DHX32: variants seen among roughly 807,000 people sequenced by gnomAD.
The protein encoded by DHX32 is putative pre-mRNA-splicing factor ATP-dependent RNA helicase DHX32.
In DHX32, 51 loss-of-function variants were observed where a neutral mutation model predicts 70.0. That is an observed-to-expected ratio of 0.73 (90% CI 0.58 to 0.92). The LOEUF (loss-of-function observed/expected upper bound fraction) is 0.92. Among genes scored for constraint, DHX32 ranks in the 40% least tolerant of loss-of-function variants. DHX32 has a pLI of 0.00. For missense variants in DHX32, 762 were observed against 891.8 expected (o/e 0.85, Z 1.85); for synonymous variants, 310 against 315.3 (o/e 0.98, Z 0.18).
chr10:125,864,601 C>T (rs1376773043), intron 2 of DHX32, among the ~76,000 whole-genome samples: 1 of 152,030 alleles, frequency 6.6e-6, no homozygotes, highest in Non-Finnish European at 1.5e-5. Context: ...TTAGATTTCC[C>T]CACCATTATT....
At chr10:125,842,715 T>C (rs1255726402) in intron 6 of DHX32, 1 of 570,240 alleles carries the variant, frequency 1.8e-6, no homozygotes, top group Non-Finnish European at 2.2e-6. Context: ...CAGAGAAAAA[T>C]TAATCACAAC....
chr10:125,874,273 T>C (rs2134067976), intron 1 of DHX32, among the ~76,000 whole-genome samples: 1 of 152,344 alleles, frequency 6.6e-6, no homozygotes, highest in Non-Finnish European at 1.5e-5. Context: ...AAAACCAAGT[T>C]GTTTCCAAAA....
chr10:125,850,404 C>T (rs11244671), intron 6 of DHX32, among the ~76,000 whole-genome samples: 56,103 of 145,346 alleles, frequency 0.39, 11,155 homozygotes, highest in Non-Finnish European at 0.45. Flanking sequence ...GTTGCCCAGG[C>T]TGCAGTGCAA....
At chr10:125,890,698 T>C (rs1589720758) in intron 1 of DHX32, 4 of 152,394 alleles carry the variant, frequency 2.6e-5, no homozygotes, top group East Asian at 1.9e-4. Context: ...GTATTGAATA[T>C]TGTATTGCAT....
intron 1 of DHX32, among the ~76,000 whole-genome samples, chr10:125,896,004 T>G: frequency 6.6e-6 from 1 of 152,306 alleles, no homozygotes; most frequent in East Asian, 1.9e-4. Flanking sequence ...CCCGCAGGGC[T>G]CCGTCCTCCC....
intron 6 of DHX32, 97 bp from the exon 7 acceptor site, chr10:125,842,031 A>G (rs1854896134): frequency 2.2e-6 from 3 of 1,367,476 alleles, no homozygotes; most frequent in Non-Finnish European, 2.9e-6. Context: ...CAAGCAAACA[A>G]TGGACAAAAT....
At chr10:125,883,867 A>G (rs1026732617), upstream of DHX32, among the ~76,000 whole-genome samples, 9 of 152,190 alleles carry the variant, frequency 5.9e-5, no homozygotes, top group African/African-American at 2.2e-4. Flanking sequence ...GCTCTCCTGG[A>G]GCCCTGCTCT....
At chr10:125,881,609 AT>A, upstream of DHX32, among the ~76,000 whole-genome samples, 1 of 152,272 alleles carries the variant, frequency 6.6e-6, no homozygotes, top group East Asian at 1.9e-4. Flanking sequence ...GAATGAATTT[AT>A]TATTTCCTTC....
chr10:125,837,376 G>C (rs529275265), intron 10 of DHX32, among the ~76,000 whole-genome samples: 80 of 152,338 alleles, frequency 5.3e-4, no homozygotes, highest in African/African-American at 1.9e-3. Context: ...TAGTGGAGTA[G>C]TCTCACTCTT....
chr10:125,859,638 T>C lies in DHX32; in HGVS notation c.814A>G (p.Lys272Glu). 2 of 1,605,298 alleles carry C rather than the reference T, an allele frequency of 1.2e-6. No homozygotes were observed. Among genetic ancestry groups the C allele is most frequent in the Non-Finnish European group, 1.7e-6 (2 of 1,176,382 alleles). ...GCCAGAAAGACTACAATGTCACCTT[T>C]CTCACCCGAGTGGTGAATTTCAAAG... ...LIFEIHHSGE[K>E]GDIVVFLACE... Residue 272 changes from lysine to glutamate, a missense_variant, in exon 3 of 11, where the codon AAA (lysine) becomes GAA (glutamate). Around this residue, in one of 3 missense-constraint regions of DHX32, gnomAD observed 394 missense variants for 473.1 expected, o/e 0.83. Transcript: ENST00000284690.
Position 125,838,322 on chromosome 10 carries a change from C to T in DHX32, c.1947G>A (p.Leu649=), listed in dbSNP as rs1333553382. The part of the protein sequence containing the change: ...LMLTHKQVAQ[L]HPLSGYSITK... Reference sequence around the variant, plus strand: ...TGATTGAGTAACCAGACAGGGGATGCAGCTGAGCAACCTGCTTATGTGTCA... The same window carrying T: ...TGATTGAGTAACCAGACAGGGGATGTAGCTGAGCAACCTGCTTATGTGTCA... Residue 649 remains leucine, a synonymous_variant, in exon 10 of 11, where the codon CTG becomes CTA. Coordinates refer to ENST00000284690, the MANE Select transcript of DHX32 (RefSeq NM_018180.3). 6.2e-7 allele frequency: 1 copy of T among 1,613,740 alleles called. No homozygotes were observed. The highest frequency in any genetic ancestry group is 8.5e-7 in the Non-Finnish European group (1 of 1,179,950).
rs140059437 is a variant in DHX32, at chr10:125,850,164, A to G, written c.1351+2129T>C. 2.5e-3 allele frequency among the ~76,000 whole-genome samples: 367 copies of G among 148,496 alleles called. 1 individual carries two copies. The highest frequency in any genetic ancestry group is 8.6e-3 in the African/African-American group (347 of 40,214). ...AAAAAAAAAAAAAAAATTTGTAGAGATGGGGTCTTGTTATATTGCCCAGGC... is the reference window on the plus strand; with the variant it reads ...AAAAAAAAAAAAAAAATTTGTAGAGGTGGGGTCTTGTTATATTGCCCAGGC... On this transcript the variant is annotated intron_variant, in intron 6 of 10. Transcript: ENST00000284690.
chr10:125,888,243 G>A (rs79104351), intron 1 of DHX32, among the ~76,000 whole-genome samples: 98 of 125,136 alleles, frequency 7.8e-4, no homozygotes, highest in African/African-American at 2.9e-3. Flanking sequence ...TTACTCCGTC[G>A]CCCAGGCTGG....
At position 125,854,192 on chromosome 10, in the gene DHX32, T is replaced by C. The variant is rs748140737; in HGVS notation, c.861A>G (p.Lys287=). The part of the protein sequence containing the change: ...VFLACEQDIE[K]VCETVYQGSN... ...ATCCTTGATAGACAGTTTCACAGAC[T>C]TTCTCAATATCCTAAAGAAAAAAAA... Residue 287 remains lysine (K), a synonymous_variant, in exon 4 of 11, where the codon AAA becomes AAG. Coordinates refer to ENST00000284690, the MANE Select transcript of DHX32 (RefSeq NM_018180.3). The C allele has an allele frequency of 3.8e-6, 6 of 1,598,190 alleles. No individual in the cohort carries two copies. In the South Asian group the frequency reaches 4.6e-5, roughly 12 times the overall value.
intron 1 of DHX32, among the ~76,000 whole-genome samples, chr10:125,888,109 T>A (rs1265879892): frequency 1.3e-5 from 2 of 152,338 alleles, no homozygotes; most frequent in Admixed American, 1.3e-4. Context: ...AATATACATA[T>A]TTATATGTAA....
intron 3 of DHX32, 100 bp downstream of exon 3, chr10:125,859,503 T>G: frequency 7.5e-7 from 1 of 1,328,446 alleles, no homozygotes; most frequent in Non-Finnish European, 1.0e-6. Flanking sequence ...AACCAAATAT[T>G]TAAACAGTTA....
At chr10:125,838,921 C>T in intron 9 of DHX32, 80 bp downstream of exon 9, 1 of 1,418,056 alleles carries the variant, frequency 7.1e-7, no homozygotes, top group Non-Finnish European at 9.6e-7. Flanking sequence ...AAATCATCAT[C>T]CTAAGCCATT....
chr10:125,836,780 T>C lies in DHX32; in HGVS notation c.2139A>G (p.Val713=), dbSNP rs781672078. 2 of 1,614,158 alleles carry C rather than the reference T, an allele frequency of 1.2e-6. No individual in the cohort carries two copies. Among genetic ancestry groups the C allele is most frequent in the Non-Finnish European group, 1.7e-6 (2 of 1,179,992 alleles). ...TTGACACAGGGGATAGGTGATCCAC[T>C]ACTTGCTGTAGAATGTCCTTACTTT... The part of the protein sequence containing the change: ...PSESKDILQQ[V]VDHLSPVSTM... Residue 713 remains valine, a synonymous_variant, in exon 11 of 11, where the codon GTA becomes GTG. Coordinates refer to ENST00000284690, the MANE Select transcript of DHX32 (RefSeq NM_018180.3).
chr10:125,859,045 G>GTTTTTTTTT (rs71029270), intron 3 of DHX32, among the ~76,000 whole-genome samples: 1 of 141,714 alleles, frequency 7.1e-6, no homozygotes, highest in African/African-American at 2.7e-5. Flanking sequence ...TTGTTTGTTT[G>GTTTTTTTTT]TTTTTTTTTT....
Sources: allele counts gnomAD v4.1 joint callset (sites outside exome capture counted in the v4.1 genomes callset), GRCh38; gene constraint gnomAD v4.1.1; regional missense constraint gnomAD v4.1.1; transcripts MANE v1.5; gene names NCBI Gene and HGNC (gene_info 2026-07-23, HGNC 2026-07-21).